GPC5: variants seen among roughly 807,000 people sequenced by gnomAD.
The protein encoded by GPC5 is glypican-5.
GPC5 carries 47 observed loss-of-function variants against 53.9 expected under a neutral mutation model. The observed-to-expected ratio is 0.87, with a 90% CI of 0.69 to 1.11. GPC5 has a LOEUF of 1.11. Ranked by LOEUF, GPC5 falls within the 50% of genes most tolerant of loss-of-function variation. The probability of loss-of-function intolerance (pLI) is 0.00; values close to 1 mark genes in which losing one functional copy is unlikely to be tolerated. For synonymous variants in GPC5, 286 were observed against 263.3 expected, an observed-to-expected ratio of 1.09 and a Z score of -0.84; for missense variants, 748 against 713.1, an observed-to-expected ratio of 1.05 and a Z score of -0.56.
At chr13:92,036,216 T>C (rs2040892022) in intron 6 of GPC5, among the ~76,000 whole-genome samples, 1 of 152,244 alleles carries the variant, frequency 6.6e-6, no homozygotes, top group Admixed American at 6.5e-5. Flanking sequence ...TCTTTTGCTA[T>C]GAATTTGACA....
chr13:92,043,537 G>C (rs1375739552), intron 6 of GPC5, among the ~76,000 whole-genome samples: 1 of 152,172 alleles, frequency 6.6e-6, no homozygotes, highest in Non-Finnish European at 1.5e-5. Context: ...TCAGTGAATT[G>C]GAAGTCTTCA....
At chr13:91,741,580 T>G (rs1210667156) in intron 4 of GPC5, among the ~76,000 whole-genome samples, 1 of 152,210 alleles carries the variant, frequency 6.6e-6, no homozygotes, top group Non-Finnish European at 1.5e-5. Flanking sequence ...GGTAGATAGA[T>G]TCATATTAAA....
At chr13:92,069,113 A>G (rs1207314079) in intron 6 of GPC5, among the ~76,000 whole-genome samples, 1 of 152,082 alleles carries the variant, frequency 6.6e-6, no homozygotes, top group African/African-American at 2.4e-5. Flanking sequence ...CTATTTGTTG[A>G]TAAGACTACT....
intron 6 of GPC5, among the ~76,000 whole-genome samples, chr13:92,023,564 T>G (rs1301334396): frequency 6.6e-6 from 1 of 151,882 alleles, no homozygotes. Context: ...ATTATGATTT[T>G]GGAGTTATTC....
chr13:91,433,432 T>C (rs1022920669), intron 1 of GPC5, among the ~76,000 whole-genome samples: 1 of 147,572 alleles, frequency 6.8e-6, no homozygotes, highest in Non-Finnish European at 1.5e-5. Context: ...TTCCCACCTA[T>C]GAGTGAGAAC....
At chr13:92,190,151 T>C (rs1219421796) in intron 7 of GPC5, among the ~76,000 whole-genome samples, 5 of 152,032 alleles carry the variant, frequency 3.3e-5, no homozygotes, top group East Asian at 3.9e-4. Context: ...TCAGAAACCA[T>C]GCTAGCAAGA....
chr13:92,491,384 CTA>C (rs1412700338), intron 7 of GPC5, among the ~76,000 whole-genome samples: 2 of 151,986 alleles, frequency 1.3e-5, no homozygotes, highest in Non-Finnish European at 2.9e-5. Flanking sequence ...ACTTGTAAAA[CTA>C]TTATATTTTA....
At chr13:91,981,424 G>A (rs920627913) in intron 6 of GPC5, among the ~76,000 whole-genome samples, 4 of 151,986 alleles carry the variant, frequency 2.6e-5, no homozygotes, top group African/African-American at 7.2e-5. Context: ...CAAGTAGCTG[G>A]GACTACAGGT....
At chr13:91,895,936 G>C (rs1017426409) in intron 5 of GPC5, among the ~76,000 whole-genome samples, 47 of 151,974 alleles carry the variant, frequency 3.1e-4, no homozygotes, top group African/African-American at 1.1e-3. Context: ...ACCTCTTTGA[G>C]CTCTGGCATT....
intron 3 of GPC5, among the ~76,000 whole-genome samples, chr13:91,715,377 A>G (rs1471951987): frequency 6.6e-6 from 1 of 152,272 alleles, no homozygotes; most frequent in Non-Finnish European, 1.5e-5. Context: ...ATTATAAAAC[A>G]TATTTGTATA....
chr13:92,035,635 A>G (rs1363143316), intron 6 of GPC5, among the ~76,000 whole-genome samples: 1 of 152,128 alleles, frequency 6.6e-6, no homozygotes. Context: ...TAATCCATTT[A>G]TATACAGACT....
intron 2 of GPC5, among the ~76,000 whole-genome samples, chr13:91,471,801 T>C (rs3903848): frequency 0.32 from 49,314 of 151,872 alleles, 8,326 homozygotes; most frequent in East Asian, 0.58. Context: ...GAATTTACTC[T>C]TTCCTCCCTG....
chr13:91,922,825 G>T (rs770143427), intron 6 of GPC5, among the ~76,000 whole-genome samples: 6 of 152,074 alleles, frequency 3.9e-5, no homozygotes, highest in Non-Finnish European at 8.8e-5. Context: ...TTTTCTATCT[G>T]AATGTTGAGC....
At chr13:92,565,366 T>C (rs1882831571) in intron 7 of GPC5, among the ~76,000 whole-genome samples, 1 of 152,078 alleles carries the variant, frequency 6.6e-6, no homozygotes, top group African/African-American at 2.4e-5. Flanking sequence ...AAGTTCTATC[T>C]TTTTAAATAA....
intron 5 of GPC5, among the ~76,000 whole-genome samples, chr13:91,828,861 A>G (rs1192894551): frequency 2.0e-5 from 3 of 152,104 alleles, no homozygotes; most frequent in African/African-American, 7.2e-5. Flanking sequence ...TGTACAAAAA[A>G]GAAGAGGTTG....
chr13:92,161,183 G>A (rs148840446), intron 7 of GPC5, among the ~76,000 whole-genome samples: 55 of 151,964 alleles, frequency 3.6e-4, no homozygotes, highest in Middle Eastern at 6.8e-3. Context: ...GAATGACATC[G>A]GATTAATCTC....
At chr13:92,602,220 A>AGT (rs199679809) in intron 7 of GPC5, among the ~76,000 whole-genome samples, 1 of 110,242 alleles carries the variant, frequency 9.1e-6, no homozygotes, top group South Asian at 2.9e-4. Flanking sequence ...CATATATATA[A>AGT]ATATATATAT....
chr13:91,476,438 A>G (rs972435573), intron 2 of GPC5, among the ~76,000 whole-genome samples: 1 of 152,204 alleles, frequency 6.6e-6, no homozygotes, highest in African/African-American at 2.4e-5. Context: ...TCCTTCTTAC[A>G]TGTGGTTCAT....
At chr13:92,778,912 CTAAG>C (rs959373842) in intron 7 of GPC5, among the ~76,000 whole-genome samples, 4 of 152,094 alleles carry the variant, frequency 2.6e-5, no homozygotes, top group African/African-American at 7.2e-5. Context: ...TAATTTTCCA[CTAAG>C]TGTTATTCCT....
Sources: gnomAD v4.1 joint callset for allele counts (sites outside exome capture counted in the v4.1 genomes callset) on GRCh38, gnomAD v4.1.1 for gene constraint, MANE v1.5 for transcripts, NCBI Gene and HGNC (gene_info 2026-07-23, HGNC 2026-07-21) for gene names.